DDX4: variants seen among roughly 807,000 people sequenced by gnomAD.
The protein encoded by DDX4 is DEAD-box helicase 4.
A neutral mutation model predicts 100.0 loss-of-function variants in DDX4; 25 were observed. That is an observed-to-expected ratio of 0.25 (90% CI 0.18 to 0.35). The LOEUF is 0.35. DDX4 is among the 10% of genes least tolerant of loss of function. The pLI is 1.00. For synonymous variants in DDX4, 259 were observed against 275.7 expected, an observed-to-expected ratio of 0.94 and a Z score of 0.60; for missense variants, 635 against 882.4, an observed-to-expected ratio of 0.72 and a Z score of 3.55.
At chr5:55,794,609 G>A (rs1371758050) in intron 17 of DDX4, among the ~76,000 whole-genome samples, 3 of 152,144 alleles carry the variant, frequency 2.0e-5, no homozygotes, top group Non-Finnish European at 4.4e-5. Flanking sequence ...AAATGGGAAA[G>A]TATTTGTATG....
rs1274938171 is a variant in DDX4 at position 55,798,569 on chromosome 5, T to C, written c.1613T>C (p.Ile538Thr). 44 of 1,602,178 alleles carry C rather than the reference T, an allele frequency of 2.7e-5. No homozygotes were observed. The highest frequency in any genetic ancestry group is 3.7e-5 in the Non-Finnish European group (44 of 1,175,840). Residue 538 changes from isoleucine to threonine, a missense_variant and splice_region_variant, in exon 18 of 22, where the codon ATA (isoleucine) becomes ACA (threonine). Ile to Thr is a moderately conservative substitution (Grantham distance 89). Coordinates refer to ENST00000505374, the MANE Select transcript of DDX4 (RefSeq NM_024415.3). ...AAGCTCGTTGAAATTCTGCGAAACA[T>C]AGGTATCTTACGTTGATACATTTTT... Reference protein sequence around the residue: ...REKLVEILRNIGDERTMVFVE... With the variant: ...REKLVEILRNTGDERTMVFVE...
chr5:55,788,133 T>C, intron 15 of DDX4, 133 bp downstream of exon 15: 1 of 795,284 alleles, frequency 1.3e-6, no homozygotes, highest in African/African-American at 1.8e-5. Flanking sequence ...TTTATTATCT[T>C]GTTTATGGAA....
In DDX4 at chr5:55,816,668, CT is replaced by C; in HGVS notation, c.*130del. On this transcript the variant is annotated 3_prime_UTR_variant, in exon 22 of 22. Coordinates refer to ENST00000505374, the MANE Select transcript of DDX4 (RefSeq NM_024415.3). ...CTGTCCTTGTATTCTCACTCCTACA[CT>C]TAAAAAAAAAATCCTTACTGACTAG... The C allele has an allele frequency of 7.0e-7, 1 of 1,428,646 alleles. No homozygotes were observed. The highest frequency in any genetic ancestry group is 9.2e-7 in the Non-Finnish European group (1 of 1,082,944). The allele number at this position is 1,428,646 out of a possible 1,614,324, so 88.5% of individuals were successfully genotyped here.
intron 18 of DDX4, among the ~76,000 whole-genome samples, chr5:55,806,235 T>A (rs1743703928): frequency 6.6e-6 from 1 of 152,218 alleles, no homozygotes; most frequent in Non-Finnish European, 1.5e-5. Flanking sequence ...TTAGTCTTGC[T>A]AGCAGTCTGT....
chr5:55,761,258 T>G (rs1341602004), intron 4 of DDX4, among the ~76,000 whole-genome samples: 4 of 152,164 alleles, frequency 2.6e-5, no homozygotes, highest in Non-Finnish European at 5.9e-5. Flanking sequence ...CAGATGAGAT[T>G]TTGTTAGCTA....
intron 14 of DDX4, 80 bp from the exon 15 acceptor site, chr5:55,787,766 A>T: frequency 6.8e-7 from 1 of 1,479,484 alleles, no homozygotes; most frequent in South Asian, 1.4e-5. Flanking sequence ...TCTAAAGGCT[A>T]TAAGGACATG....
chr5:55,766,758 AATGT>A, intron 6 of DDX4: 1 of 308,090 alleles, frequency 3.2e-6, no homozygotes, highest in Non-Finnish European at 4.7e-6. Context: ...ATTTTGACTT[AATGT>A]TCCCAGATAT....
At chr5:55,739,715 T>C (rs1036160089) in intron 2 of DDX4, among the ~76,000 whole-genome samples, 2 of 152,176 alleles carry the variant, frequency 1.3e-5, no homozygotes, top group Non-Finnish European at 2.9e-5. Context: ...TTCTGACACT[T>C]TCTGATTTCA....
At chr5:55,756,530 G>T (rs1441733625) in intron 3 of DDX4, among the ~76,000 whole-genome samples, 1 of 152,076 alleles carries the variant, frequency 6.6e-6, no homozygotes, top group Non-Finnish European at 1.5e-5. Flanking sequence ...CCTCACTCTG[G>T]TTTAGGCAAA....
chr5:55,758,599 A>G (rs1760086136), intron 3 of DDX4, among the ~76,000 whole-genome samples: 1 of 152,050 alleles, frequency 6.6e-6, no homozygotes, highest in South Asian at 2.1e-4. Context: ...TTCTTGAGTC[A>G]CTTCTGGTGA....
In DDX4 at chr5:55,751,598, T is replaced by C. The variant is rs1267434111; in HGVS notation, c.127+5377T>C. On this transcript the variant is annotated intron_variant, in intron 3 of 21. Coordinates refer to ENST00000505374, the MANE Select transcript of DDX4 (RefSeq NM_024415.3). The stretch of plus-strand genomic sequence containing the variant: ...TATACATGTTGTTATTCTGTAAGTT[T>C]CTACTTTTGTAAGTTGCCTGTTTGT... Among the ~76,000 whole-genome samples the C allele has an allele frequency of 2.0e-5, 3 of 152,342 alleles. No individual in the cohort carries two copies. The East Asian group carries it at 5.8e-4, about 29-fold the overall frequency.
At chr5:55,772,475 A>G (rs1294943510) in intron 7 of DDX4, among the ~76,000 whole-genome samples, 1 of 152,144 alleles carries the variant, frequency 6.6e-6, no homozygotes, top group Non-Finnish European at 1.5e-5. Context: ...CTGTGGTTTC[A>G]TAATAGGTCC....
chr5:55,738,609 C>G (rs1252242839), intron 1 of DDX4, among the ~76,000 whole-genome samples: 1 of 152,118 alleles, frequency 6.6e-6, no homozygotes, highest in Non-Finnish European at 1.5e-5. Context: ...AAAAAGTTGC[C>G]TCTCCCTTAA....
intron 3 of DDX4, among the ~76,000 whole-genome samples, chr5:55,746,927 A>G (rs1303697479): frequency 1.3e-5 from 2 of 152,200 alleles, no homozygotes; most frequent in Non-Finnish European, 2.9e-5. Context: ...ATGAAATGCA[A>G]TTGTTACTAT....
chr5:55,765,651 G>A (rs1740871996), intron 6 of DDX4, among the ~76,000 whole-genome samples: 1 of 151,900 alleles, frequency 6.6e-6, no homozygotes, highest in East Asian at 1.9e-4. Context: ...CCTGGCAATT[G>A]TATTATCTTG....
At chr5:55,805,724 G>T (rs552579651) in intron 18 of DDX4, among the ~76,000 whole-genome samples, 1 of 152,196 alleles carries the variant, frequency 6.6e-6, no homozygotes, top group African/African-American at 2.4e-5. Flanking sequence ...GATTCGGTTT[G>T]CCAGTATTTT....
chr5:55,815,756 G>A (rs1029981188), intron 21 of DDX4, among the ~76,000 whole-genome samples: 3 of 146,578 alleles, frequency 2.0e-5, no homozygotes, highest in South Asian at 4.3e-4. Context: ...GGGGTTACAA[G>A]TCTTTTCTTT....
At chr5:55,740,508 AT>A (rs111354975) in intron 2 of DDX4, among the ~76,000 whole-genome samples, 10,822 of 132,624 alleles carry the variant, frequency 0.082, 589 homozygotes, top group African/African-American at 0.18. Flanking sequence ...TATAACAGTA[AT>A]TTTTTTTTTT....
intron 18 of DDX4, among the ~76,000 whole-genome samples, chr5:55,809,257 C>G: frequency 6.6e-6 from 1 of 152,320 alleles, no homozygotes; most frequent in East Asian, 1.9e-4. Context: ...TGACCCCTTG[C>G]GCTTCCCAGG....
Sources: allele counts gnomAD v4.1 joint callset (sites outside exome capture counted in the v4.1 genomes callset), GRCh38; gene constraint gnomAD v4.1.1; transcripts MANE v1.5; gene names NCBI Gene and HGNC (gene_info 2026-07-23, HGNC 2026-07-21).